Variants in CPA5 observed in about 807,000 individuals in gnomAD.
The protein encoded by CPA5 is testicular tissue protein Li 32.
CPA5 carries 38 observed loss-of-function variants against 52.2 expected under a neutral mutation model. That is an observed-to-expected ratio of 0.73 (90% confidence interval 0.56 to 0.95). The LOEUF (loss-of-function observed/expected upper bound fraction) is 0.95. Among genes scored for constraint, CPA5 ranks in the 40% least tolerant of loss-of-function variants. The pLI is 0.00. For synonymous variants in CPA5, 198 were observed against 213.7 expected, an observed-to-expected ratio of 0.93 and a Z score of 0.64; for missense variants, 519 against 566.7, an observed-to-expected ratio of 0.92 and a Z score of 0.86.
chr7:130,362,505 T>C lies in CPA5; in HGVS notation c.602T>C (p.Ile201Thr). ...IDTGIHSREW[I>T]THATGIWTAN... ...ACTGGAATTCACTCCCGGGAGTGGATCACCCATGCCACCGGCATCTGGACT... is the reference window on the plus strand; with the variant it reads ...ACTGGAATTCACTCCCGGGAGTGGACCACCCATGCCACCGGCATCTGGACT... The change falls in exon 8 of 13, where the codon ATC becomes ACC. Residue 201 changes from isoleucine to threonine, a missense_variant. By Grantham distance (89) the Ile-to-Thr change is moderately conservative. Coordinates refer to ENST00000474905, the MANE Select transcript of CPA5 (RefSeq NM_080385.5). 6.2e-7 allele frequency: 1 copy of C among 1,613,672 alleles called. No individual in the cohort carries two copies. The highest frequency in any genetic ancestry group is 8.5e-7 in the Non-Finnish European group (1 of 1,179,686).
intron 5 of CPA5, among the ~76,000 whole-genome samples, chr7:130,357,294 G>A (rs1318001278): frequency 1.3e-5 from 2 of 152,062 alleles, no homozygotes; most frequent in Non-Finnish European, 2.9e-5. Context: ...GGGCGGGGAG[G>A]GACACCGCTC....
intron 8 of CPA5, 63 bp from the exon 9 acceptor site, chr7:130,362,821 G>A: frequency 9.6e-7 from 1 of 1,040,856 alleles, no homozygotes; most frequent in East Asian, 2.4e-5. Flanking sequence ...CTGTGAAAAT[G>A]TCCTGTGCCA....
chr7:130,369,358 C>T (rs533768865), downstream of CPA5, among the ~76,000 whole-genome samples: 29 of 152,216 alleles, frequency 1.9e-4, no homozygotes, highest in Non-Finnish European at 1.0e-4. Context: ...TAAAGGGGCA[C>T]TCGTGAGATA....
chr7:130,347,871 A>G (rs375156113), intron 4 of CPA5, 24 bp downstream of exon 4: 1 of 1,591,734 alleles, frequency 6.3e-7, no homozygotes, highest in African/African-American at 1.3e-5. Flanking sequence ...AGGCTTGAGG[A>G]CAACCCCACC....
chr7:130,349,861 G>A (rs782666157), intron 4 of CPA5, 114 bp from the exon 5 acceptor site: 143 of 1,263,194 alleles, frequency 1.1e-4, no homozygotes, highest in Non-Finnish European at 1.4e-4. Flanking sequence ...CATCTCCTGC[G>A]TAGAAAGAGG....
intron 3 of CPA5, among the ~76,000 whole-genome samples, chr7:130,347,559 C>A (rs1385540187): frequency 1.3e-5 from 2 of 152,188 alleles, no homozygotes; most frequent in Non-Finnish European, 2.9e-5. Context: ...AGCCCACTGG[C>A]TCTAGACTGA....
chr7:130,347,647 C>T (rs1231749768), intron 3 of CPA5, 119 bp from the exon 4 acceptor site: 7 of 783,606 alleles, frequency 8.9e-6, no homozygotes, highest in Middle Eastern at 2.4e-4. Context: ...TGCGGTGCCT[C>T]CTGGCCTCCC....
chr7:130,349,182 C>T (rs1794970164), intron 4 of CPA5, among the ~76,000 whole-genome samples: 1 of 152,134 alleles, frequency 6.6e-6, no homozygotes, highest in Non-Finnish European at 1.5e-5. Flanking sequence ...CCTGCAATCC[C>T]AGCACTTTGG....
In CPA5 at chr7:130,368,619, G is replaced by A. The variant is rs781867202; in HGVS notation, c.*22G>A. The A allele has an allele frequency of 2.5e-6, 4 of 1,612,508 alleles. No homozygotes were observed. The highest frequency in any genetic ancestry group is 1.7e-4 in the Middle Eastern group (1 of 5,802). On this transcript the variant is annotated 3_prime_UTR_variant, in exon 13 of 13. Coordinates refer to ENST00000474905, the MANE Select transcript of CPA5 (RefSeq NM_080385.5). ...CTAGCAGCACGACTGAGGGCAGGAG[G>A]CTCCATCCTTCTCCCCAAGGTCTGT... is the stretch of plus-strand genomic sequence containing the variant.
chr7:130,367,330 C>T (rs368175230), intron 10 of CPA5, 42 bp from the exon 11 acceptor site: 294 of 1,572,614 alleles, frequency 1.9e-4, no homozygotes, highest in Non-Finnish European at 2.2e-4. Context: ...CTGTGTCGCA[C>T]GTGGGGATTT....
chr7:130,361,647 A>G (rs751717263), intron 7 of CPA5, among the ~76,000 whole-genome samples: 3 of 152,214 alleles, frequency 2.0e-5, no homozygotes, highest in African/African-American at 7.2e-5. Context: ...AGACAGCCCT[A>G]CAGACATGCC....
In CPA5 at chr7:130,367,457, C is replaced by T; in HGVS notation, c.924C>T (p.Asn308=). 2 of 1,614,172 alleles carry T rather than the reference C, an allele frequency of 1.2e-6. No individual in the cohort carries two copies. The highest frequency in any genetic ancestry group is 1.7e-6 in the Non-Finnish European group (2 of 1,180,034). ...AGCCGGAGGTGGCTGCCATAGTGAA[C>T]TTCATCACAGCCCATGGCAACTTCA... ...QSEPEVAAIV[N]FITAHGNFKA... is the part of the protein sequence containing the mutation. Residue 308 remains asparagine, a synonymous_variant, in exon 11 of 13, where the codon AAC becomes AAT. Transcript: ENST00000474905.
chr7:130,354,694 G>A (rs1454893618), intron 5 of CPA5, among the ~76,000 whole-genome samples: 1 of 152,080 alleles, frequency 6.6e-6, no homozygotes, highest in African/African-American at 2.4e-5. Flanking sequence ...GATCATAGGC[G>A]TGAACCACGA....
intron 8 of CPA5, 63 bp downstream of exon 8, chr7:130,362,602 T>TA: frequency 1.6e-6 from 2 of 1,244,740 alleles, no homozygotes; most frequent in African/African-American, 2.9e-5. Flanking sequence ...GGCAGGAACT[T>TA]ACTATTTAAG....
intron 5 of CPA5, among the ~76,000 whole-genome samples, chr7:130,354,963 GAGA>G (rs781831049): frequency 6.6e-6 from 1 of 152,158 alleles, no homozygotes; most frequent in Non-Finnish European, 1.5e-5. Context: ...CTCCAGAGAG[GAGA>G]AGAAGACAAC....
At chr7:130,366,878 A>T (rs1294653279) in intron 10 of CPA5, among the ~76,000 whole-genome samples, 1 of 152,208 alleles carries the variant, frequency 6.6e-6, no homozygotes, top group East Asian at 1.9e-4. Flanking sequence ...TCCTAAAGGG[A>T]CCACAGGACA....
intron 5 of CPA5, among the ~76,000 whole-genome samples, chr7:130,351,413 A>T (rs146055089): frequency 0.017 from 2,569 of 152,248 alleles, 33 homozygotes; most frequent in Non-Finnish European, 0.026. Flanking sequence ...CACATCAGGG[A>T]CGGCCCCAGA....
intron 5 of CPA5, among the ~76,000 whole-genome samples, chr7:130,356,180 C>A (rs1232735923): frequency 1.1e-5 from 1 of 92,230 alleles, no homozygotes; most frequent in African/African-American, 4.8e-5. Flanking sequence ...GGCTGGAGTT[C>A]GGCTGTGAGA....
At chr7:130,368,048 AG>A in intron 12 of CPA5, 58 bp downstream of exon 12, 1 of 1,507,288 alleles carries the variant, frequency 6.6e-7, no homozygotes, top group Non-Finnish European at 9.2e-7. Context: ...GGCTGGCTGC[AG>A]GGCAGTGCCA....
Sources: gnomAD v4.1 joint callset for allele counts (sites outside exome capture counted in the v4.1 genomes callset) on GRCh38, gnomAD v4.1.1 for gene constraint, MANE v1.5 for transcripts, NCBI Gene and HGNC (gene_info 2026-07-23, HGNC 2026-07-21) for gene names.